Variants in ZNF536 observed in about 807,000 individuals in gnomAD.
ZNF536 encodes the protein zinc finger protein 536.
Under a neutral mutation model 84.5 loss-of-function variants are expected in ZNF536, and 13 were observed. That is an observed-to-expected ratio of 0.15 (90% CI 0.10 to 0.24). The LOEUF (loss-of-function observed/expected upper bound fraction) is 0.24, where lower values mean the gene tolerates loss of function less well. ZNF536 is among the 10% of genes least tolerant of loss of function. The pLI is 1.00. For synonymous variants in ZNF536, 811 were observed against 742.5 expected (o/e 1.09, Z -1.50); for missense variants, 1,536 against 1,747.5 (o/e 0.88, Z 2.16).
At chr19:30,631,010 G>A (rs1383823229) in intron 1 of ZNF536, among the ~76,000 whole-genome samples, 1 of 152,154 alleles carries the variant, frequency 6.6e-6, no homozygotes, top group Non-Finnish European at 1.5e-5. Flanking sequence ...CCCTCGAGGT[G>A]TGCTTGTGTG....
intron 1 of ZNF536, among the ~76,000 whole-genome samples, chr19:30,686,952 A>C (rs549443914): frequency 6.6e-6 from 1 of 152,212 alleles, no homozygotes; most frequent in Non-Finnish European, 1.5e-5. Context: ...AATGGAACTT[A>C]TTTGGAGTAG....
intron 2 of ZNF536, among the ~76,000 whole-genome samples, chr19:30,317,352 C>G (rs781438327): frequency 6.6e-6 from 1 of 152,180 alleles, no homozygotes; most frequent in Non-Finnish European, 1.5e-5. Context: ...CTCAAGCCAC[C>G]CCCCAGGCAT....
intron 1 of ZNF536, among the ~76,000 whole-genome samples, chr19:30,374,977 G>C (rs1483532621): frequency 6.6e-6 from 1 of 151,920 alleles, no homozygotes; most frequent in Non-Finnish European, 1.5e-5. Context: ...CAGGAGGAGC[G>C]AAGCGCCTGG....
chr19:30,633,689 G>A (rs2048968197), intron 1 of ZNF536, among the ~76,000 whole-genome samples: 1 of 152,004 alleles, frequency 6.6e-6, no homozygotes, highest in African/African-American at 2.4e-5. Flanking sequence ...CATCCAGATT[G>A]TCACAAATTA....
chr19:30,581,489 A>G (rs753924389), intron 1 of ZNF536, among the ~76,000 whole-genome samples: 1 of 151,904 alleles, frequency 6.6e-6, no homozygotes, highest in Non-Finnish European at 1.5e-5. Flanking sequence ...AAAGAAAAGA[A>G]AAAAAAAGTT....
At chr19:30,612,903 T>C (rs1286858013) in intron 1 of ZNF536, among the ~76,000 whole-genome samples, 1 of 152,226 alleles carries the variant, frequency 6.6e-6, no homozygotes, top group Non-Finnish European at 1.5e-5. Flanking sequence ...CAGGACTTCA[T>C]GTTGAATTTA....
chr19:30,385,895 T>G (rs569345532), intron 1 of ZNF536, among the ~76,000 whole-genome samples: 1 of 152,268 alleles, frequency 6.6e-6, no homozygotes, highest in Admixed American at 6.5e-5. Flanking sequence ...ATCTGGTGCT[T>G]AGTGGGACCC....
At chr19:30,576,658 C>T (rs1287076288) in intron 1 of ZNF536, among the ~76,000 whole-genome samples, 1 of 152,218 alleles carries the variant, frequency 6.6e-6, no homozygotes, top group African/African-American at 2.4e-5. Context: ...ATACCCCCTG[C>T]CTCACTTTCC....
intron 2 of ZNF536, among the ~76,000 whole-genome samples, chr19:30,507,671 G>T (rs2055229204): frequency 6.6e-6 from 1 of 152,110 alleles, no homozygotes. Flanking sequence ...ATAAAAGAAG[G>T]TTAAGAGATT....
chr19:30,385,356 C>G (rs2049295534), intron 1 of ZNF536, among the ~76,000 whole-genome samples: 1 of 152,102 alleles, frequency 6.6e-6, no homozygotes, highest in Non-Finnish European at 1.5e-5. Context: ...CTGCCTGGGG[C>G]CTGGGTGCCC....
At chr19:30,665,130 G>A (rs965683094) in intron 1 of ZNF536, 1 of 152,230 alleles carries the variant, frequency 6.6e-6, no homozygotes, top group Non-Finnish European at 1.5e-5. Flanking sequence ...GATGACCTGA[G>A]GTCAGGACTT....
chr19:30,543,970 G>C (rs1436257769), intron 3 of ZNF536, among the ~76,000 whole-genome samples: 6 of 152,140 alleles, frequency 3.9e-5, no homozygotes, highest in Non-Finnish European at 8.8e-5. Flanking sequence ...GCCTTCCCCT[G>C]TGCCCCTTGT....
intron 2 of ZNF536, among the ~76,000 whole-genome samples, chr19:30,315,166 C>T (rs965332159): frequency 6.6e-5 from 10 of 152,226 alleles, no homozygotes; most frequent in African/African-American, 2.2e-4. Context: ...GAAGCTTGCT[C>T]AGCACATAAT....
intron 2 of ZNF536, among the ~76,000 whole-genome samples, chr19:30,483,955 C>G (rs2054191276): frequency 6.6e-6 from 1 of 152,036 alleles, no homozygotes; most frequent in Non-Finnish European, 1.5e-5. Context: ...GTTCAGCTCT[C>G]TCTACTGGAA....
At chr19:30,569,482 C>T (rs1053784338) in intron 1 of ZNF536, among the ~76,000 whole-genome samples, 1 of 151,168 alleles carries the variant, frequency 6.6e-6, no homozygotes, top group Non-Finnish European at 1.5e-5. Context: ...ACCTACCTTG[C>T]CACTCAGTCT....
intron 1 of ZNF536, among the ~76,000 whole-genome samples, chr19:30,252,310 T>C (rs999029189): frequency 2.6e-5 from 4 of 152,226 alleles, no homozygotes; most frequent in Non-Finnish European, 5.9e-5. Flanking sequence ...ATATCTTCTA[T>C]TCTCCATAGG....
At chr19:30,268,609 A>G (rs1176562816) in intron 1 of ZNF536, among the ~76,000 whole-genome samples, 1 of 152,178 alleles carries the variant, frequency 6.6e-6, no homozygotes, top group Non-Finnish European at 1.5e-5. Context: ...TCCTTCTCCT[A>G]CAAACGAGCT....
intron 2 of ZNF536, among the ~76,000 whole-genome samples, chr19:30,534,040 C>A (rs139603792): frequency 7.3e-4 from 111 of 152,318 alleles, no homozygotes; most frequent in African/African-American, 2.3e-3. Flanking sequence ...CAGAAGGCAG[C>A]CATATGTAAA....
chr19:30,583,313 C>T (rs1226241521), intron 1 of ZNF536, among the ~76,000 whole-genome samples: 5 of 152,200 alleles, frequency 3.3e-5, no homozygotes, highest in African/African-American at 1.2e-4. Context: ...ACCCTCAGCC[C>T]CTTTGGCCTT....
Sources: allele counts gnomAD v4.1 joint callset (sites outside exome capture counted in the v4.1 genomes callset), GRCh38; gene constraint gnomAD v4.1.1; transcripts MANE v1.5; gene names NCBI Gene and HGNC (gene_info 2026-07-23, HGNC 2026-07-21).